Variants in KCNJ15 observed in about 807,000 individuals in gnomAD.
KCNJ15 encodes the protein ATP-sensitive inward rectifier potassium channel 15.
Under a neutral mutation model 23.0 loss-of-function variants are expected in KCNJ15, and 14 were observed. That is an observed-to-expected ratio of 0.61 (90% CI 0.40 to 0.95). The LOEUF (loss-of-function observed/expected upper bound fraction) is 0.95. Ranked by LOEUF, KCNJ15 falls within the 40% of genes least tolerant of loss-of-function variation. KCNJ15 has a pLI of 0.00. For missense variants in KCNJ15, 388 were observed against 461.8 expected (o/e 0.84, Z 1.46); for synonymous variants, 185 against 183.2 (o/e 1.01, Z -0.08).
chr21:38,275,849 A>AT (rs199667087), intron 1 of KCNJ15, among the ~76,000 whole-genome samples: 3,786 of 151,148 alleles, frequency 0.025, 65 homozygotes, highest in Non-Finnish European at 0.037. Context: ...TCTTTCTCCT[A>AT]TTTTTTTTTC....
upstream of KCNJ15, among the ~76,000 whole-genome samples, chr21:38,255,524 C>T (rs1185498762): frequency 2.0e-5 from 3 of 152,048 alleles, no homozygotes; most frequent in African/African-American, 7.2e-5. Context: ...TCCAGGGCCA[C>T]CATTTATACT....
At position 38,234,876 on chromosome 21, in the gene KCNJ15, C is replaced by T. The variant is rs141017004; in HGVS notation, c.-398-22170C>T. Among the ~76,000 whole-genome samples the T allele has an allele frequency of 4.6e-3, 703 of 152,270 alleles. 6 individuals carry two copies. The highest frequency in any genetic ancestry group is 0.016 in the African/African-American group (671 of 41,546). On this transcript the variant is annotated intron_variant, in intron 1 of 4. Coordinates refer to the KCNJ15 transcript ENST00000547341. ...TCAGACAAGTAAGAATGAAATCAAA[C>T]GCAAATCTGGCAACAGAGATGTTTT...
At chr21:38,275,389 T>G (rs1982563991) in intron 1 of KCNJ15, among the ~76,000 whole-genome samples, 1 of 151,952 alleles carries the variant, frequency 6.6e-6, no homozygotes. Context: ...CCCCAGTGTA[T>G]CTGAAGAAAG....
chr21:38,251,049 T>A (rs1230199118), intron 1 of KCNJ15, among the ~76,000 whole-genome samples: 1 of 151,546 alleles, frequency 6.6e-6, no homozygotes, highest in African/African-American at 2.4e-5. Context: ...ATAGAAGAGG[T>A]GGGGGGTAAT....
At chr21:38,294,355 T>C (rs927187303) in intron 1 of KCNJ15, among the ~76,000 whole-genome samples, 2 of 152,200 alleles carry the variant, frequency 1.3e-5, no homozygotes, top group African/African-American at 2.4e-5. Flanking sequence ...AATCCAAAGT[T>C]ACTATTTGAT....
At chr21:38,255,205 G>T (rs1046033081), upstream of KCNJ15, among the ~76,000 whole-genome samples, 4 of 152,184 alleles carry the variant, frequency 2.6e-5, no homozygotes, top group Non-Finnish European at 5.9e-5. Flanking sequence ...TGCCATTCAG[G>T]CTAGGACCTG....
In KCNJ15 at chr21:38,299,976, G is replaced by T; in HGVS notation, c.715G>T (p.Val239Leu). ...LLNQATVKFHVDSSSESPFLI... is the reference protein window; with the variant it reads ...LLNQATVKFHLDSSSESPFLI... ...CAACCAAGCCACTGTCAAATTCCACGTGGACTCCTCCTCTGAGAGCCCCTT... is the reference window on the plus strand; with the variant it reads ...CAACCAAGCCACTGTCAAATTCCACTTGGACTCCTCCTCTGAGAGCCCCTT... Residue 239 changes from valine to leucine, a missense_variant, in exon 3 of 3, where the codon GTG becomes TTG. Physicochemically the swap from Val to Leu is conservative, Grantham distance 32 (BLOSUM62 1). Transcript: ENST00000398938. This position sits in a 1 kb window ranked among gnomAD's most constrained non-coding sequence, Gnocchi z 4.5. The T allele has an allele frequency of 3.7e-6, 6 of 1,613,976 alleles. No homozygotes were observed. Among genetic ancestry groups the T allele is most frequent in the Non-Finnish European group, 5.1e-6 (6 of 1,180,002 alleles).
chr21:38,268,396 G>A (rs2032195421), intron 1 of KCNJ15, among the ~76,000 whole-genome samples: 1 of 150,582 alleles, frequency 6.6e-6, no homozygotes, highest in Non-Finnish European at 1.5e-5. Context: ...AGGAAGTGCT[G>A]CATTGTAGCA....
At chr21:38,286,511 A>T (rs1983930151) in intron 1 of KCNJ15, among the ~76,000 whole-genome samples, 1 of 152,202 alleles carries the variant, frequency 6.6e-6, no homozygotes, top group South Asian at 2.1e-4. Flanking sequence ...CTGCAAGAAT[A>T]TCCTACTGGA....
chr21:38,261,591 T>G (rs16996044), intron 1 of KCNJ15, among the ~76,000 whole-genome samples: 6,058 of 152,322 alleles, frequency 0.04, 411 homozygotes, highest in African/African-American at 0.14. Flanking sequence ...TCTAGAATGT[T>G]TCTTGTTTCA....
chr21:38,304,441 A>AT lies in KCNJ15; in HGVS notation c.*4058dup, dbSNP rs1411821611. On this transcript the variant is annotated 3_prime_UTR_variant, in exon 3 of 3. Transcript: ENST00000398938. Reference sequence around the variant, plus strand: ...TTTTATCATAGCTTTCCATGATGTAATTTTTTAAGCGAAAGGTACTAACAT... The same window carrying AT: ...TTTTATCATAGCTTTCCATGATGTAATTTTTTTAAGCGAAAGGTACTAACAT... The AT allele has an allele frequency of 6.6e-6, 1 of 151,478 alleles. No individual in the cohort carries two copies. Among genetic ancestry groups the AT allele is most frequent in the African/African-American group, 2.4e-5 (1 of 41,188 alleles). The allele number at this position is 151,478 out of a possible 1,614,324, so 9.4% of individuals were successfully genotyped here.
At chr21:38,264,606 T>C (rs1981270377) in intron 1 of KCNJ15, among the ~76,000 whole-genome samples, 1 of 152,282 alleles carries the variant, frequency 6.6e-6, no homozygotes, top group African/African-American at 2.4e-5. Context: ...CATCTTTACT[T>C]TCACCATGAA....
At chr21:38,230,368 C>T (rs1988699438) in intron 1 of KCNJ15, among the ~76,000 whole-genome samples, 1 of 152,010 alleles carries the variant, frequency 6.6e-6, no homozygotes, top group African/African-American at 2.4e-5. Context: ...GTTTTTTAAA[C>T]TCAGCTATTT....
intron 1 of KCNJ15, among the ~76,000 whole-genome samples, chr21:38,263,306 G>A (rs1568994159): frequency 6.6e-6 from 1 of 152,140 alleles, no homozygotes; most frequent in Non-Finnish European, 1.5e-5. Flanking sequence ...AGGAGGGAGT[G>A]TCCTGAAACA....
At chr21:38,295,637 C>G (rs528073376) in intron 1 of KCNJ15, among the ~76,000 whole-genome samples, 26 of 152,008 alleles carry the variant, frequency 1.7e-4, no homozygotes, top group African/African-American at 6.3e-4. Flanking sequence ...TTTTGGAAAA[C>G]TGTTATTGTT....
intron 1 of KCNJ15, among the ~76,000 whole-genome samples, chr21:38,241,967 T>TAA (rs34321677): frequency 0.035 from 3,962 of 111,888 alleles, 90 homozygotes; most frequent in African/African-American, 0.062. Flanking sequence ...AGACTCCATC[T>TAA]AAAAAAAAAA....
rs1171718120 is a variant in KCNJ15 at position 38,288,026 on chromosome 21, C to CTTTTTTTTTTTTTTTTTTTTTTTT, written c.-116-8897_-116-8896insTTTTTTTTTTTTTTTTTTTTTTTT. Among the ~76,000 whole-genome samples the CTTTTTTTTTTTTTTTTTTTTTTTT allele has an allele frequency of 1.8e-3, 142 of 78,144 alleles. 64 individuals carry two copies. The highest frequency in any genetic ancestry group is 2.5e-3 in the South Asian group (5 of 1,982). 51.3% of individuals were successfully genotyped at this position (78,144 alleles called of 152,430 possible). The stretch of plus-strand genomic sequence containing the variant: ...CCATTGTTAAATAACTTGTTTTTTT[C>CTTTTTTTTTTTTTTTTTTTTTTTT]TTTGTTTTTTTTTTTTTTTTTTTTT... On this transcript the variant is annotated intron_variant, in intron 1 of 2. Transcript: ENST00000398938.
intron 1 of KCNJ15, among the ~76,000 whole-genome samples, chr21:38,264,164 G>A (rs139499537): frequency 6.6e-6 from 1 of 152,254 alleles, no homozygotes; most frequent in African/African-American, 2.4e-5. Context: ...AGTTTTACAC[G>A]CACTGTATTT....
At chr21:38,280,772 T>C (rs906537627) in intron 1 of KCNJ15, among the ~76,000 whole-genome samples, 1 of 152,168 alleles carries the variant, frequency 6.6e-6, no homozygotes. Context: ...GGTGAAGTTA[T>C]AAGTCCAGCA....
Sources: allele counts gnomAD v4.1 joint callset (sites outside exome capture counted in the v4.1 genomes callset), GRCh38; gene constraint gnomAD v4.1.1; non-coding constraint Gnocchi (gnomAD v3.1); transcripts MANE v1.5; gene names NCBI Gene and HGNC (gene_info 2026-07-23, HGNC 2026-07-21).